Variants in RPTOR observed in about 807,000 individuals in gnomAD.
The protein encoded by RPTOR is regulatory associated protein of MTOR complex 1, also known as regulatory-associated protein of mTOR.
Under a neutral mutation model 169.9 loss-of-function variants are expected in RPTOR, and 21 were observed. The ratio of observed to expected loss-of-function variants is 0.12; its 90% CI spans 0.09 to 0.18. RPTOR has a LOEUF of 0.18. Ranked by LOEUF, RPTOR falls within the 10% of genes least tolerant of loss-of-function variation. RPTOR has a pLI of 1.00. For synonymous variants in RPTOR, 732 were observed against 753.2 expected (o/e 0.97, Z 0.46); for missense variants, 1,133 against 1,855.9 (o/e 0.61, Z 7.16).
chr17:80,830,184 G>A (rs2067487639), intron 9 of RPTOR, among the ~76,000 whole-genome samples: 1 of 152,172 alleles, frequency 6.6e-6, no homozygotes, highest in African/African-American at 2.4e-5. Context: ...TCTCTGTTCT[G>A]TGGCATCTTC....
intron 3 of RPTOR, among the ~76,000 whole-genome samples, chr17:80,701,179 A>C (rs140711534): frequency 2.1e-3 from 322 of 152,304 alleles, no homozygotes; most frequent in Non-Finnish European, 4.0e-3. Flanking sequence ...GGCCTCAGAC[A>C]CACTGATGGA....
intron 3 of RPTOR, among the ~76,000 whole-genome samples, chr17:80,662,139 C>T (rs935268106): frequency 6.6e-6 from 1 of 152,166 alleles, no homozygotes; most frequent in African/African-American, 2.4e-5. Context: ...TAATCACACT[C>T]AAAGCAAGAT....
Position 80,964,404 on chromosome 17 carries a change from GC to G in RPTOR, c.*75del, listed in dbSNP as rs1555642644. On this transcript the variant is annotated 3_prime_UTR_variant, in exon 34 of 34. Coordinates refer to ENST00000306801, the MANE Select transcript of RPTOR (RefSeq NM_020761.3). ...AAGCTGTCACTCGCCGGGGCACGGG[GC>G]GTCGGCTGCTGCGGCCCCGCAGTGT... The G allele has an allele frequency of 1.4e-6, 2 of 1,477,812 alleles. No homozygotes were observed. The highest frequency in any genetic ancestry group is 2.3e-5 in the South Asian group (2 of 88,512). 91.5% of individuals were successfully genotyped at this position (1,477,812 alleles called of 1,614,324 possible). A position where few individuals can be genotyped will look rare whatever the true frequency, so the allele number is the denominator to read the frequency against.
Position 80,841,525 on chromosome 17 carries a change from GCTCA to G in RPTOR, c.1212+3532_1212+3535del, listed in dbSNP as rs1401542970. ...ACACGGCAGCTCACACCACACGGCAGCTCACTCTCACCACACGGCAGCTCACTCT... is the reference window on the plus strand; with the variant it reads ...ACACGGCAGCTCACACCACACGGCAGCTCTCACCACACGGCAGCTCACTCT... On this transcript the variant is annotated intron_variant, in intron 10 of 33. Transcript: ENST00000306801. Among the ~76,000 whole-genome samples, 133 of 119,504 alleles carry G rather than the reference GCTCA, an allele frequency of 1.1e-3. 1 individual carries two copies. Among genetic ancestry groups the G allele is most frequent in the Non-Finnish European group, 1.5e-3 (86 of 57,866 alleles). The allele number at this position is 119,504 out of a possible 152,430, so 78.4% of individuals were successfully genotyped here.
At chr17:80,770,198 A>G (rs1359902802) in intron 6 of RPTOR, among the ~76,000 whole-genome samples, 1 of 152,100 alleles carries the variant, frequency 6.6e-6, no homozygotes, top group Admixed American at 6.5e-5. Flanking sequence ...AGCAGAGGCT[A>G]TGTTCCTCCA....
intron 32 of RPTOR, 118 bp from the exon 33 acceptor site, chr17:80,962,810 C>T (rs2144104366): frequency 1.3e-6 from 2 of 1,518,906 alleles, no homozygotes; most frequent in East Asian, 4.7e-5. Context: ...TCACACCTGC[C>T]CCGAGCCAGC....
intron 1 of RPTOR, among the ~76,000 whole-genome samples, chr17:80,585,378 T>G (rs1429031540): frequency 2.0e-5 from 3 of 152,118 alleles, no homozygotes; most frequent in African/African-American, 7.2e-5. Context: ...CTAATTTTTG[T>G]ATTTTTTAGT....
intron 4 of RPTOR, among the ~76,000 whole-genome samples, chr17:80,715,075 T>G (rs2066228491): frequency 1.3e-5 from 2 of 152,080 alleles, no homozygotes; most frequent in African/African-American, 2.4e-5. Flanking sequence ...CAAATTAAAC[T>G]CAAAGCAGAA....
chr17:80,881,447 G>A (rs1288430114), intron 14 of RPTOR, among the ~76,000 whole-genome samples: 2 of 152,232 alleles, frequency 1.3e-5, no homozygotes, highest in Admixed American at 6.5e-5. Context: ...TGGGCGCGAG[G>A]GTGAGCTAAG....
rs1303052413 is a variant in RPTOR, at chr17:80,923,549, A to G, written c.2684A>G (p.Gln895Arg). ...SSSLTNDVAK[Q>R]PVSRDLPSGR... ...AGCCTGACCAACGATGTGGCCAAGCAGCCGGTCAGCCGAGACTTGCCTTCT... is the reference window on the plus strand; with the variant it reads ...AGCCTGACCAACGATGTGGCCAAGCGGCCGGTCAGCCGAGACTTGCCTTCT... The change falls in exon 23 of 34, where the codon CAG becomes CGG. Residue 895 changes from glutamine to arginine, a missense_variant. This residue lies in a region of RPTOR where 123 missense variants were observed against 129.0 expected (regional missense o/e 0.95). Coordinates refer to ENST00000306801, the MANE Select transcript of RPTOR (RefSeq NM_020761.3). 1 of 1,613,342 alleles carries G rather than the reference A, an allele frequency of 6.2e-7. No individual in the cohort carries two copies. Among genetic ancestry groups the G allele is most frequent in the Non-Finnish European group, 8.5e-7 (1 of 1,179,996 alleles).
intron 1 of RPTOR, among the ~76,000 whole-genome samples, chr17:80,551,921 A>G (rs897839481): frequency 6.6e-6 from 1 of 151,542 alleles, no homozygotes; most frequent in African/African-American, 2.4e-5. Flanking sequence ...TTAGGGAGTG[A>G]TGATGACTCT....
rs1197342364 is a variant in RPTOR at position 80,617,987 on chromosome 17, C to CTTTTTTTTTTT, written c.163-7703_163-7693dup. ...TTTAGTTTGCTTAAAATAGTTACAA[C>CTTTTTTTTTTT]TTTTTTTTTTTAAGACGGGGTCTTG... On this transcript the variant is annotated intron_variant, in intron 1 of 33. Transcript: ENST00000306801. Among the ~76,000 whole-genome samples, 839 of 146,406 alleles carry CTTTTTTTTTTT rather than the reference C, an allele frequency of 5.7e-3. 42 individuals are homozygous for CTTTTTTTTTTT. The highest frequency in any genetic ancestry group is 0.02 in the African/African-American group (792 of 39,112).
At chr17:80,941,023 C>T (rs978865159) in intron 25 of RPTOR, among the ~76,000 whole-genome samples, 6 of 152,212 alleles carry the variant, frequency 3.9e-5, no homozygotes, top group African/African-American at 1.2e-4. Context: ...GGACAGGTGT[C>T]GTTGCGCCAG....
At chr17:80,892,448 C>G (rs1205544997) in intron 18 of RPTOR, among the ~76,000 whole-genome samples, 1 of 152,260 alleles carries the variant, frequency 6.6e-6, no homozygotes, top group African/African-American at 2.4e-5. Flanking sequence ...CACCATGCAC[C>G]TCGTGTGCAC....
At chr17:80,742,621 ACACG>A (rs369556691) in intron 5 of RPTOR, among the ~76,000 whole-genome samples, 3 of 152,042 alleles carry the variant, frequency 2.0e-5, no homozygotes, top group South Asian at 2.1e-4. Flanking sequence ...ACACACATAC[ACACG>A]CACATATACA....
chr17:80,730,430 A>G lies in RPTOR; in HGVS notation c.508-130A>G. On this transcript the variant is annotated intron_variant, in intron 4 of 33. Transcript: ENST00000306801. The surrounding 1 kb of genome is among the most constrained non-coding windows in gnomAD (Gnocchi z 4.2). ...AGTTTGCTGTTTTTTATAGTTTTGT[A>G]TAAAGGCTAACTCAGCGTCTCTCCA... is the stretch of plus-strand genomic sequence containing the variant. The G allele has an allele frequency of 1.2e-5, 12 of 995,424 alleles. No individual in the cohort carries two copies. The highest frequency in any genetic ancestry group is 2.3e-5 in the Admixed American group (1 of 44,434). The allele number at this position is 995,424 out of a possible 1,614,324, so 61.7% of individuals were successfully genotyped here.
chr17:80,561,058 T>C (rs1411243551), intron 1 of RPTOR, among the ~76,000 whole-genome samples: 1 of 152,014 alleles, frequency 6.6e-6, no homozygotes, highest in Non-Finnish European at 1.5e-5. Context: ...GGTGACATGT[T>C]CAGAATGGCA....
chr17:80,602,990 A>G, intron 1 of RPTOR: 1 of 329,622 alleles, frequency 3.0e-6, no homozygotes, highest in Non-Finnish European at 5.8e-6. Flanking sequence ...CCATTGGATG[A>G]TCATCCCAGA....
At chr17:80,790,476 A>G (rs2067036291) in intron 6 of RPTOR, among the ~76,000 whole-genome samples, 1 of 151,806 alleles carries the variant, frequency 6.6e-6, no homozygotes, top group Non-Finnish European at 1.5e-5. Context: ...CTGGTTCTGG[A>G]TCTCTCAGTT....
Sources: allele counts gnomAD v4.1 joint callset (sites outside exome capture counted in the v4.1 genomes callset), GRCh38; gene constraint gnomAD v4.1.1; regional missense constraint gnomAD v4.1.1; non-coding constraint Gnocchi (gnomAD v3.1); transcripts MANE v1.5; gene names NCBI Gene and HGNC (gene_info 2026-07-23, HGNC 2026-07-21).